Variants in SH3RF1 observed in about 807,000 individuals in gnomAD.
SH3RF1 encodes SH3 domain containing ring finger 1.
In SH3RF1, 32 loss-of-function variants were observed where a neutral mutation model predicts 74.0. That is an observed-to-expected ratio of 0.43 (90% CI 0.33 to 0.58). The LOEUF is 0.58. Ranked by LOEUF, SH3RF1 falls within the 20% of genes least tolerant of loss-of-function variation. The pLI is 0.05. For missense variants in SH3RF1, 954 were observed against 1,130.9 expected (o/e 0.84, Z 2.24); for synonymous variants, 396 against 439.6 (o/e 0.90, Z 1.24).
intron 2 of SH3RF1, among the ~76,000 whole-genome samples, chr4:169,165,258 T>G (rs1734216321): frequency 6.6e-6 from 1 of 152,052 alleles, no homozygotes; most frequent in Non-Finnish European, 1.5e-5. Flanking sequence ...TAGAGCTAAA[T>G]AGGGAGGAAT....
chr4:169,137,889 G>C (rs1733724321), intron 4 of SH3RF1, among the ~76,000 whole-genome samples: 1 of 152,164 alleles, frequency 6.6e-6, no homozygotes, highest in Non-Finnish European at 1.5e-5. Context: ...CAGGTGGCTT[G>C]TCTCATCTAT....
At chr4:169,200,408 A>C (rs1370217380) in intron 2 of SH3RF1, among the ~76,000 whole-genome samples, 2 of 152,190 alleles carry the variant, frequency 1.3e-5, no homozygotes, top group African/African-American at 4.8e-5. Context: ...AATCAATTAT[A>C]TAAAAATAAA....
chr4:169,097,959 C>G (rs952111572), intron 11 of SH3RF1, among the ~76,000 whole-genome samples: 2 of 152,224 alleles, frequency 1.3e-5, no homozygotes, highest in African/African-American at 4.8e-5. Context: ...TTCCAAAAGC[C>G]TAAACTAACC....
At chr4:169,228,906 T>A (rs1730691262) in intron 2 of SH3RF1, among the ~76,000 whole-genome samples, 1 of 152,208 alleles carries the variant, frequency 6.6e-6, no homozygotes, top group Non-Finnish European at 1.5e-5. Context: ...TTTTGTAATG[T>A]TAGAATTTTA....
At chr4:169,214,712 G>A (rs1730435392) in intron 2 of SH3RF1, among the ~76,000 whole-genome samples, 1 of 151,812 alleles carries the variant, frequency 6.6e-6, no homozygotes, top group Non-Finnish European at 1.5e-5. Flanking sequence ...CATTCTTTTA[G>A]GTGCTAATGT....
intron 2 of SH3RF1, among the ~76,000 whole-genome samples, chr4:169,186,644 G>C (rs567902160): frequency 9.3e-5 from 14 of 150,412 alleles, no homozygotes; most frequent in Admixed American, 5.3e-4. Flanking sequence ...GAACTTAAAG[G>C]AGAGATTCCC....
At chr4:169,200,755 A>G (rs1734894113) in intron 2 of SH3RF1, among the ~76,000 whole-genome samples, 1 of 152,142 alleles carries the variant, frequency 6.6e-6, no homozygotes, top group Non-Finnish European at 1.5e-5. Flanking sequence ...TTCTCTTCCC[A>G]ATCACAGATT....
chr4:169,095,832 G>A lies in SH3RF1; in HGVS notation c.*687C>T, dbSNP rs1732920325. ...ACCCACACAATTAAATTGAGGACTA[G>A]GTCTTCAGGGTGATTCCTACCAAAC... On this transcript the variant is annotated 3_prime_UTR_variant, in exon 12 of 12. Transcript: ENST00000284637. 6.6e-6 allele frequency: 1 copy of A among 152,154 alleles called. No individual in the cohort carries two copies. Among genetic ancestry groups the A allele is most frequent in the East Asian group, 1.9e-4 (1 of 5,192 alleles). The allele number at this position is 152,154 out of a possible 1,614,324, so 9.4% of individuals were successfully genotyped here. A position where few individuals can be genotyped will look rare whatever the true frequency, so the allele number is the denominator to read the frequency against.
chr4:169,249,435 G>A (rs1324765432), intron 2 of SH3RF1, among the ~76,000 whole-genome samples: 1 of 152,156 alleles, frequency 6.6e-6, no homozygotes, highest in African/African-American at 2.4e-5. Flanking sequence ...GAACCTACCA[G>A]CACCTTGATC....
chr4:169,107,005 C>T lies in SH3RF1; in HGVS notation c.2340G>A (p.Pro780=), dbSNP rs375863935. 8.4e-5 allele frequency: 135 copies of T among 1,613,818 alleles called. No individual in the cohort carries two copies. Among genetic ancestry groups the T allele is most frequent in the Non-Finnish European group, 1.0e-4 (121 of 1,179,994 alleles). ...AGSCPVDGDG[P]VTTAVAGAAL... ...CTGCTCCTGCCACTGCAGTCGTGAC[C>T]GGTCCGTCCCCGTCCACAGGGCAGG... The change falls in exon 11 of 12, where the codon CCG becomes CCA. Residue 780 remains proline, a synonymous_variant. Transcript: ENST00000284637.
chr4:169,174,232 T>C (rs1734380154), intron 2 of SH3RF1, among the ~76,000 whole-genome samples: 1 of 152,052 alleles, frequency 6.6e-6, no homozygotes, highest in African/African-American at 2.4e-5. Flanking sequence ...TGGCTAATTT[T>C]TGTATGTTTT....
Position 169,094,950 on chromosome 4 carries a change from T to C in SH3RF1, c.*1569A>G, listed in dbSNP as rs1422444390. On this transcript the variant is annotated 3_prime_UTR_variant, in exon 12 of 12. Transcript: ENST00000284637. ...AAGATGAAAGGGTTTATTATGTATTTCCCATGAGAAAACTGTGGTAAGGAT... is the reference window on the plus strand; with the variant it reads ...AAGATGAAAGGGTTTATTATGTATTCCCCATGAGAAAACTGTGGTAAGGAT... 6.6e-6 allele frequency: 1 copy of C among 152,468 alleles called. No individual in the cohort carries two copies. Among genetic ancestry groups the C allele is most frequent in the Admixed American group, 6.5e-5 (1 of 15,274 alleles). 9.4% of individuals were successfully genotyped at this position (152,468 alleles called of 1,614,324 possible). A position where few individuals can be genotyped will look rare whatever the true frequency, so the allele number is the denominator to read the frequency against.
chr4:169,188,491 C>A (rs907952559), intron 2 of SH3RF1, among the ~76,000 whole-genome samples: 1 of 152,178 alleles, frequency 6.6e-6, no homozygotes, highest in African/African-American at 2.4e-5. Context: ...GCCCTGTATA[C>A]AGCTTGTTAC....
At chr4:169,153,523 A>C (rs1260627248) in intron 4 of SH3RF1, among the ~76,000 whole-genome samples, 1 of 152,188 alleles carries the variant, frequency 6.6e-6, no homozygotes, top group African/African-American at 2.4e-5. Flanking sequence ...TTATTCCTAT[A>C]GTTTGCTTTA....
At chr4:169,199,707 A>G (rs72706498) in intron 2 of SH3RF1, among the ~76,000 whole-genome samples, 7,395 of 152,298 alleles carry the variant, frequency 0.049, 286 homozygotes, top group South Asian at 0.19. Context: ...TCCACTGGGA[A>G]TAAGAAAACA....
intron 2 of SH3RF1, among the ~76,000 whole-genome samples, chr4:169,214,685 A>AT (rs774617107): frequency 2.8e-4 from 42 of 152,066 alleles, no homozygotes; most frequent in South Asian, 2.1e-4. Context: ...ATATATGTGT[A>AT]TATATATATA....
chr4:169,239,332 GA>G (rs1216949659), intron 2 of SH3RF1, among the ~76,000 whole-genome samples: 10 of 148,148 alleles, frequency 6.8e-5, no homozygotes, highest in Non-Finnish European at 7.5e-5. Flanking sequence ...TGACACGCAG[GA>G]AAAAAAAAAG....
chr4:169,235,573 A>C (rs1730812544), intron 2 of SH3RF1, among the ~76,000 whole-genome samples: 1 of 152,350 alleles, frequency 6.6e-6, no homozygotes. Context: ...AGCCTAACTC[A>C]ATAACTCAAT....
intron 2 of SH3RF1, among the ~76,000 whole-genome samples, chr4:169,195,245 C>G (rs1242538359): frequency 6.6e-6 from 1 of 152,146 alleles, no homozygotes; most frequent in Non-Finnish European, 1.5e-5. Context: ...GTTCCATTGC[C>G]TTCTGCTGGC....
Sources: gnomAD v4.1 joint callset for allele counts (sites outside exome capture counted in the v4.1 genomes callset) on GRCh38, gnomAD v4.1.1 for gene constraint, MANE v1.5 for transcripts, NCBI Gene and HGNC (gene_info 2026-07-23, HGNC 2026-07-21) for gene names.